Variants in IPO5 observed in about 807,000 individuals in gnomAD.
IPO5 encodes importin 5.
In IPO5, 18 loss-of-function variants were observed where a neutral mutation model predicts 143.3. That is an observed-to-expected ratio of 0.13 (90% confidence interval 0.09 to 0.19). The LOEUF is 0.19. IPO5 is among the 10% of genes least tolerant of loss of function. IPO5 has a pLI of 1.00. For missense variants in IPO5, 1,013 were observed against 1,336.9 expected, an observed-to-expected ratio of 0.76 and a Z score of 3.78; for synonymous variants, 477 against 465.7, an observed-to-expected ratio of 1.02 and a Z score of -0.31.
chr13:98,021,283 AC>A, intron 28 of IPO5, 150 bp downstream of exon 28: 8 of 612,214 alleles, frequency 1.3e-5, no homozygotes, highest in Non-Finnish European at 2.1e-5. Context: ...AATGGATTAT[AC>A]TTAATGTAAT....
intron 11 of IPO5, among the ~76,000 whole-genome samples, chr13:97,994,920 G>T (rs925820519): frequency 1.2e-4 from 18 of 152,100 alleles, no homozygotes; most frequent in African/African-American, 4.3e-4. Context: ...GAGCTGCTGA[G>T]TTTGAGACCA....
intron 9 of IPO5, among the ~76,000 whole-genome samples, chr13:97,992,642 A>T (rs1162763453): frequency 6.6e-6 from 1 of 152,214 alleles, no homozygotes; most frequent in African/African-American, 2.4e-5. Flanking sequence ...TGTAATGGTT[A>T]TTATAGTTTC....
intron 6 of IPO5, among the ~76,000 whole-genome samples, chr13:97,988,742 C>G (rs555162874): frequency 6.6e-6 from 1 of 152,108 alleles, no homozygotes; most frequent in Non-Finnish European, 1.5e-5. Context: ...CAACCGAGAT[C>G]GCGCCATTGC....
Position 97,954,147 on chromosome 13 carries a change from C to T in IPO5, c.-164C>T. The T allele has an allele frequency of 4.3e-6, 1 of 232,516 alleles. No homozygotes were observed. The highest frequency in any genetic ancestry group is 5.3e-5 in the South Asian group (1 of 18,930). The allele number at this position is 232,516 out of a possible 1,614,324, so 14.4% of individuals were successfully genotyped here. A position where few individuals can be genotyped will look rare whatever the true frequency, so the allele number is the denominator to read the frequency against. Reference sequence around the variant, plus strand: ...GTTCCGGGGAGAAGCCTTTCCAGGACCCATGTGTAGGCACAACTGTTTTCC... The same window carrying T: ...GTTCCGGGGAGAAGCCTTTCCAGGATCCATGTGTAGGCACAACTGTTTTCC... On this transcript the variant is annotated 5_prime_UTR_variant, in exon 2 of 29. Coordinates refer to ENST00000651721, the MANE Select transcript of IPO5 (RefSeq NM_002271.6).
chr13:97,975,941 G>A (rs1886250727), intron 3 of IPO5: 1 of 985,746 alleles, frequency 1.0e-6, no homozygotes, highest in South Asian at 4.7e-5. Context: ...GGCGCCCTGA[G>A]TCCACAGCCC....
intron 7 of IPO5, among the ~76,000 whole-genome samples, chr13:97,989,460 A>G (rs2588014): frequency 0.075 from 11,395 of 152,198 alleles, 689 homozygotes; most frequent in East Asian, 0.33. Flanking sequence ...GATTAACACA[A>G]TACTGGATGT....
At chr13:98,008,986 T>G (rs1889488733) in intron 18 of IPO5, among the ~76,000 whole-genome samples, 2 of 152,218 alleles carry the variant, frequency 1.3e-5, no homozygotes. Flanking sequence ...TATACATGTA[T>G]GTTTTGTATG....
At chr13:98,003,884 A>G (rs1888997484) in intron 16 of IPO5, among the ~76,000 whole-genome samples, 1 of 152,206 alleles carries the variant, frequency 6.6e-6, no homozygotes, top group Admixed American at 6.5e-5. Context: ...ATTAAAAAAC[A>G]TTGAGTATTC....
intron 3 of IPO5, among the ~76,000 whole-genome samples, chr13:97,973,189 T>C (rs569347413): frequency 6.6e-6 from 1 of 151,866 alleles, no homozygotes; most frequent in Non-Finnish European, 1.5e-5. Flanking sequence ...ATTACAGGCA[T>C]GCGCCACCAT....
chr13:98,002,891 G>A lies in IPO5; in HGVS notation c.1351G>A (p.Glu451Lys). The A allele has an allele frequency of 6.2e-7, 1 of 1,613,406 alleles. No individual in the cohort carries two copies. The highest frequency in any genetic ancestry group is 2.2e-5 in the East Asian group (1 of 44,886). Residue 451 changes from glutamate to lysine, a missense_variant, in exon 16 of 29, where the codon GAA becomes AAA. Physicochemically the swap from Glu to Lys is moderately conservative, Grantham distance 56. Around this residue, in one of 2 missense-constraint regions of IPO5, gnomAD observed 685 missense variants for 994.9 expected, o/e 0.69. Transcript: ENST00000651721. ...GATTGCAGCTCTGCTGCAGACCATGGAAGACCAAGGCAATCAACGTGTGCA... is the reference window on the plus strand; with the variant it reads ...GATTGCAGCTCTGCTGCAGACCATGAAAGACCAAGGCAATCAACGTGTGCA... ...KVIAALLQTM[E>K]DQGNQRVQAH...
chr13:98,018,012 T>C (rs552171699), intron 25 of IPO5, among the ~76,000 whole-genome samples: 12 of 152,180 alleles, frequency 7.9e-5, no homozygotes, highest in Non-Finnish European at 1.6e-4. Context: ...GCAGCTATCA[T>C]CAGATGTTTG....
intron 12 of IPO5, among the ~76,000 whole-genome samples, chr13:97,998,234 C>T (rs1888467097): frequency 6.6e-6 from 1 of 152,254 alleles, no homozygotes; most frequent in Admixed American, 6.5e-5. Context: ...CTCGGCCTCC[C>T]AAAGTGCTGG....
rs753737083 is a variant in IPO5 at position 97,968,456 on chromosome 13, G to A, written c.-112-1267G>A. Among the ~76,000 whole-genome samples, 19 of 152,044 alleles carry A rather than the reference G, an allele frequency of 1.2e-4. No individual in the cohort carries two copies. The South Asian group carries it at 1.7e-3, about 13-fold the overall frequency. On this transcript the variant is annotated intron_variant, in intron 2 of 28. Transcript: ENST00000651721. ...ATTGATCTATCTAGTTATCCTATCC[G>A]TTACTGAAAGGTGGGAACAGAAGTC...
At chr13:97,989,306 T>C in intron 7 of IPO5, 142 bp downstream of exon 7, 1 of 508,464 alleles carries the variant, frequency 2.0e-6, no homozygotes, top group Non-Finnish European at 3.4e-6. Context: ...GTATTTGTAT[T>C]GGAAGCAATT....
chr13:98,001,494 T>G (rs1594100658), intron 13 of IPO5, among the ~76,000 whole-genome samples: 1 of 152,272 alleles, frequency 6.6e-6, no homozygotes, highest in Admixed American at 6.5e-5. Flanking sequence ...CCCAGCTATT[T>G]CGAGACAGAA....
chr13:98,007,605 A>G (rs1889373221), intron 17 of IPO5: 1 of 152,584 alleles, frequency 6.6e-6, no homozygotes, highest in South Asian at 2.1e-4. Flanking sequence ...TTTTACCAAT[A>G]AAATATTTGT....
Position 98,008,173 on chromosome 13 carries a change from C to T in IPO5, c.1800+31C>T, listed in dbSNP as rs45480093. 3,181 of 1,291,602 alleles carry T rather than the reference C, an allele frequency of 2.5e-3. 49 individuals are homozygous for T. In the African/African-American group the frequency reaches 0.034, roughly 14 times the overall value. 80.0% of individuals were successfully genotyped at this position (1,291,602 alleles called of 1,614,324 possible). A position where few individuals can be genotyped will look rare whatever the true frequency, so the allele number is the denominator to read the frequency against. ...TGGTCTTAATGCATTTGCTTTGATC[C>T]GCTAATGAGTTGTGGACAGCACATG... On this transcript the variant is annotated intron_variant, in intron 18 of 28. Transcript: ENST00000651721.
chr13:97,963,493 C>G (rs1474545920), intron 2 of IPO5, among the ~76,000 whole-genome samples: 1 of 151,906 alleles, frequency 6.6e-6, no homozygotes, highest in Non-Finnish European at 1.5e-5. Context: ...CCTCAGCCTC[C>G]CAAGTAGCTG....
At position 98,008,124 on chromosome 13, in the gene IPO5, G is replaced by T; in HGVS notation, c.1782G>T (p.Met594Ile). ...AGACCCAGACAGACTTCAATGATAT[G>T]GAAGATGATGATCCTCAGGTAAGTG... is the stretch of plus-strand genomic sequence containing the variant. ...LLKTQTDFNDMEDDDPQISYM... is the reference protein window; with the variant it reads ...LLKTQTDFNDIEDDDPQISYM... Residue 594 changes from methionine (M) to isoleucine (I), a missense_variant, in exon 18 of 29, where the codon ATG becomes ATT. Around this residue, in one of 2 missense-constraint regions of IPO5, gnomAD observed 685 missense variants for 994.9 expected, o/e 0.69. Coordinates refer to ENST00000651721, the MANE Select transcript of IPO5 (RefSeq NM_002271.6). 6.2e-7 allele frequency: 1 copy of T among 1,606,404 alleles called. No individual in the cohort carries two copies. Among genetic ancestry groups the T allele is most frequent in the Non-Finnish European group, 8.5e-7 (1 of 1,173,000 alleles).
Sources: gnomAD v4.1 joint callset for allele counts (sites outside exome capture counted in the v4.1 genomes callset) on GRCh38, gnomAD v4.1.1 for gene constraint, gnomAD v4.1.1 regional missense constraint, MANE v1.5 for transcripts, NCBI Gene and HGNC (gene_info 2026-07-23, HGNC 2026-07-21) for gene names.